PHF3: variants seen among roughly 807,000 people sequenced by gnomAD.
PHF3 encodes the protein PHD finger protein 3.
PHF3 carries 41 observed loss-of-function variants against 178.4 expected under a neutral mutation model. The observed-to-expected ratio is 0.23, with a 90% CI of 0.18 to 0.30. The LOEUF is 0.30. Ranked by LOEUF, PHF3 falls within the 10% of genes least tolerant of loss-of-function variation. The pLI, the probability that PHF3 is intolerant of heterozygous loss-of-function variation, is 1.00. For synonymous variants in PHF3, 842 were observed against 800.5 expected (o/e 1.05, Z -0.88); for missense variants, 2,346 against 2,398.1 (o/e 0.98, Z 0.45).
intron 1 of PHF3, among the ~76,000 whole-genome samples, chr6:63,640,661 C>T (rs114624763): frequency 2.0e-5 from 3 of 152,130 alleles, no homozygotes; most frequent in African/African-American, 7.2e-5. Context: ...AACAAACAAA[C>T]AAAACCAAAC....
At chr6:63,666,238 A>C (rs1765676656) in intron 2 of PHF3, among the ~76,000 whole-genome samples, 1 of 152,108 alleles carries the variant, frequency 6.6e-6, no homozygotes, top group Non-Finnish European at 1.5e-5. Context: ...TCCATTAAAG[A>C]GCTTTGCTGA....
Position 63,713,631 on chromosome 6 carries a change from C to T in PHF3, c.6043C>T (p.His2015Tyr). ...EKDKEREKSK[H>Y]REGEKDRDRY... is the part of the protein sequence containing the mutation. ...GGACAAAGAACGAGAGAAAAGTAAA[C>T]ACAGAGAAGGAGAAAAGGACAGGGA... Residue 2015 changes from histidine (H) to tyrosine (Y), a missense_variant, in exon 16 of 16, where the codon CAC becomes TAC. This residue lies in a region of PHF3 where 839 missense variants were observed against 806.9 expected (regional missense o/e 1.04). Coordinates refer to ENST00000262043, the MANE Select transcript of PHF3 (RefSeq NM_001370348.2). The T allele has an allele frequency of 6.2e-7, 1 of 1,612,570 alleles. No homozygotes were observed. Among genetic ancestry groups the T allele is most frequent in the Non-Finnish European group, 8.5e-7 (1 of 1,179,510 alleles).
At chr6:63,694,472 A>G in intron 5 of PHF3, 109 bp from the exon 6 acceptor site, 1 of 757,494 alleles carries the variant, frequency 1.3e-6, no homozygotes. Context: ...ATTTCGAATG[A>G]AAGAGTGAAT....
intron 4 of PHF3, 67 bp from the exon 5 acceptor site, chr6:63,691,670 C>A: frequency 7.6e-7 from 1 of 1,314,310 alleles, no homozygotes; most frequent in South Asian, 1.5e-5. Flanking sequence ...TTAATTTAGC[C>A]TCATTTTTGA....
chr6:63,676,206 A>G (rs1766157795), intron 2 of PHF3, among the ~76,000 whole-genome samples: 1 of 152,182 alleles, frequency 6.6e-6, no homozygotes, highest in Admixed American at 6.5e-5. Flanking sequence ...TTATTCAGCA[A>G]ATATTTTCTG....
intron 8 of PHF3, 108 bp from the exon 9 acceptor site, chr6:63,700,242 G>C (rs577158703): frequency 2.6e-5 from 14 of 539,808 alleles, no homozygotes; most frequent in Non-Finnish European, 4.6e-5. Context: ...AAATAATTAA[G>C]TATTTGTAAA....
chr6:63,690,435 A>G (rs913854955), intron 4 of PHF3, among the ~76,000 whole-genome samples: 7 of 152,170 alleles, frequency 4.6e-5, no homozygotes, highest in African/African-American at 7.2e-5. Flanking sequence ...GGAATGAGGT[A>G]TTTGGCAAGA....
rs571498059 is a variant in PHF3 at position 63,713,834 on chromosome 6, A to C, written c.*126A>C. ...ATTTTTACTATTGGTCATTTGCAGAACAGTAAATTCTGTGTGTTGGTACAG... is the reference window on the plus strand; with the variant it reads ...ATTTTTACTATTGGTCATTTGCAGACCAGTAAATTCTGTGTGTTGGTACAG... On this transcript the variant is annotated 3_prime_UTR_variant, in exon 16 of 16. Transcript: ENST00000262043. The C allele has an allele frequency of 1.3e-6, 1 of 755,730 alleles. No homozygotes were observed. The highest frequency in any genetic ancestry group is 2.1e-6 in the Non-Finnish European group (1 of 476,460). 46.8% of individuals were successfully genotyped at this position (755,730 alleles called of 1,614,324 possible).
chr6:63,636,319 T>C (rs1764332797), intron 1 of PHF3, among the ~76,000 whole-genome samples, 169 bp downstream of exon 1: 1 of 152,098 alleles, frequency 6.6e-6, no homozygotes, highest in African/African-American at 2.4e-5. Context: ...TTGCGCAACG[T>C]CCTCGGCCTA....
intron 2 of PHF3, among the ~76,000 whole-genome samples, chr6:63,664,106 A>T (rs1765581416): frequency 6.6e-6 from 1 of 152,226 alleles, no homozygotes; most frequent in Admixed American, 6.5e-5. Flanking sequence ...ATTGGGCAAC[A>T]GCTAGCAGTT....
chr6:63,654,188 T>C (rs2149548167), intron 2 of PHF3, among the ~76,000 whole-genome samples: 1 of 152,310 alleles, frequency 6.6e-6, no homozygotes, highest in East Asian at 1.9e-4. Flanking sequence ...AATTTGAGAA[T>C]TGGTATTTGT....
chr6:63,706,306 A>C, intron 12 of PHF3, 82 bp downstream of exon 12: 1 of 1,110,642 alleles, frequency 9.0e-7, no homozygotes. Context: ...AAAACAGAAA[A>C]GTGACATTTT....
intron 2 of PHF3, among the ~76,000 whole-genome samples, chr6:63,651,494 C>T (rs916038248): frequency 3.3e-5 from 5 of 151,932 alleles, no homozygotes; most frequent in Admixed American, 1.3e-4. Flanking sequence ...CCTGAGTAGC[C>T]GGGATTACAG....
chr6:63,720,334 G>T lies in PHF3; in HGVS notation c.*6626G>T. ...GATAGGTAAAAAGTGAATAAGCAAA[G>T]TGAATAAGCACATTCTGTGAATAAG... On this transcript the variant is annotated 3_prime_UTR_variant, in exon 16 of 16. Coordinates refer to ENST00000262043, the MANE Select transcript of PHF3 (RefSeq NM_001370348.2). 3 of 407,658 alleles carry T rather than the reference G, an allele frequency of 7.4e-6. No homozygotes were observed. The highest frequency in any genetic ancestry group is 1.3e-5 in the Non-Finnish European group (3 of 230,796). The allele number at this position is 407,658 out of a possible 1,614,324, so 25.3% of individuals were successfully genotyped here.
chr6:63,645,353 T>A (rs901965766), intron 1 of PHF3, among the ~76,000 whole-genome samples: 6 of 152,224 alleles, frequency 3.9e-5, no homozygotes, highest in South Asian at 2.1e-4. Flanking sequence ...TGCATTTTTT[T>A]AAATAATGCG....
At chr6:63,639,809 T>G (rs576880849) in intron 1 of PHF3, among the ~76,000 whole-genome samples, 1 of 152,328 alleles carries the variant, frequency 6.6e-6, no homozygotes, top group Admixed American at 6.5e-5. Flanking sequence ...CACGTTAGCT[T>G]GGGTTGTTAC....
chr6:63,660,938 T>G (rs569800680), intron 2 of PHF3, among the ~76,000 whole-genome samples: 1 of 152,196 alleles, frequency 6.6e-6, no homozygotes, highest in Non-Finnish European at 1.5e-5. Context: ...GTTGTCCCTG[T>G]GGAACTTGAG....
chr6:63,722,013 C>G lies in PHF3; in HGVS notation c.*8305C>G, dbSNP rs1006517441. 1.3e-5 allele frequency among the ~76,000 whole-genome samples: 2 copies of G among 152,110 alleles called. No homozygotes were observed. The highest frequency in any genetic ancestry group is 2.4e-5 in the African/African-American group (1 of 41,424). On this transcript the variant is annotated 3_prime_UTR_variant, in exon 16 of 16. Transcript: ENST00000262043. Reference sequence around the variant, plus strand: ...CAGCAATTGGCTACATAAATTTTCTCTAGTTGTGGACAGTTCTCATTGAAT... The same window carrying G: ...CAGCAATTGGCTACATAAATTTTCTGTAGTTGTGGACAGTTCTCATTGAAT...
In PHF3 at chr6:63,712,164, A is replaced by G; in HGVS notation, c.4576A>G (p.Lys1526Glu). ...TDGENKEIKV[K>E]VDNISESTDK... ...TGGTGAAAACAAGGAGATAAAAGTT[A>G]AAGTAGATAATATTTCAGAATCTAC... Residue 1526 changes from lysine (K) to glutamate (E), a missense_variant, in exon 16 of 16, where the codon AAA becomes GAA. Physicochemically the swap from Lys to Glu is moderately conservative, Grantham distance 56 (BLOSUM62 1). This residue lies in a region of PHF3 where 839 missense variants were observed against 806.9 expected (regional missense o/e 1.04). Transcript: ENST00000262043. 2.5e-6 allele frequency: 4 copies of G among 1,613,560 alleles called. No individual in the cohort carries two copies. Among genetic ancestry groups the G allele is most frequent in the Non-Finnish European group, 3.4e-6 (4 of 1,179,670 alleles).
Sources: allele counts gnomAD v4.1 joint callset (sites outside exome capture counted in the v4.1 genomes callset), GRCh38; gene constraint gnomAD v4.1.1; regional missense constraint gnomAD v4.1.1; transcripts MANE v1.5; gene names NCBI Gene and HGNC (gene_info 2026-07-23, HGNC 2026-07-21).